MSI2: variants seen among roughly 807,000 people sequenced by gnomAD.
The protein encoded by MSI2 is RNA-binding protein Musashi homolog 2.
MSI2 carries 17 observed loss-of-function variants against 45.6 expected under a neutral mutation model. The ratio of observed to expected loss-of-function variants is 0.37; its 90% CI spans 0.26 to 0.56. The LOEUF is 0.56. MSI2 is among the 20% of genes least tolerant of loss of function. The pLI, the probability that MSI2 is intolerant of heterozygous loss-of-function variation, is 0.77. For synonymous variants in MSI2, 156 were observed against 158.2 expected, an observed-to-expected ratio of 0.99 and a Z score of 0.11; for missense variants, 293 against 444.2, an observed-to-expected ratio of 0.66 and a Z score of 3.06.
chr17:57,328,925 G>C (rs1309871105), intron 5 of MSI2, among the ~76,000 whole-genome samples: 1 of 152,000 alleles, frequency 6.6e-6, no homozygotes, highest in African/African-American at 2.4e-5. Context: ...AGGTTTTGGG[G>C]GCCCCGATAG....
chr17:57,441,071 C>T (rs915535574), intron 6 of MSI2, among the ~76,000 whole-genome samples: 2 of 152,094 alleles, frequency 1.3e-5, no homozygotes, highest in Admixed American at 6.5e-5. Context: ...TTTCAGGCAG[C>T]GCTTTGTAGG....
At chr17:57,664,855 G>A (rs1361221320) in intron 11 of MSI2, among the ~76,000 whole-genome samples, 1 of 152,152 alleles carries the variant, frequency 6.6e-6, no homozygotes. Context: ...GAACTTTGCT[G>A]CTGTTCCTAA....
At chr17:57,460,695 G>A (rs952914395) in intron 6 of MSI2, among the ~76,000 whole-genome samples, 1 of 152,138 alleles carries the variant, frequency 6.6e-6, no homozygotes, top group African/African-American at 2.4e-5. Context: ...GGTGGAGGTG[G>A]GCAGGGGCAG....
chr17:57,661,128 G>A (rs1420350978), intron 11 of MSI2, among the ~76,000 whole-genome samples: 2 of 152,186 alleles, frequency 1.3e-5, no homozygotes, highest in African/African-American at 4.8e-5. Flanking sequence ...TCCATAAGAC[G>A]ATTAACTCTG....
chr17:57,460,032 G>A (rs2085193724), intron 6 of MSI2, among the ~76,000 whole-genome samples: 1 of 151,958 alleles, frequency 6.6e-6, no homozygotes, highest in East Asian at 1.9e-4. Flanking sequence ...GGGAGGCTGA[G>A]ACAGGAGAAT....
chr17:57,386,015 A>C (rs2083680133), intron 5 of MSI2, among the ~76,000 whole-genome samples: 1 of 152,188 alleles, frequency 6.6e-6, no homozygotes, highest in African/African-American at 2.4e-5. Flanking sequence ...AATACAGACA[A>C]TGGCAGTTGT....
chr17:57,315,310 A>G (rs1021090930), intron 5 of MSI2, among the ~76,000 whole-genome samples: 1 of 151,650 alleles, frequency 6.6e-6, no homozygotes, highest in African/African-American at 2.4e-5. Flanking sequence ...GGCCCAGCTG[A>G]TTTGCCTGTC....
intron 13 of MSI2, among the ~76,000 whole-genome samples, chr17:57,677,940 T>TA (rs1467233338): frequency 3.9e-5 from 6 of 152,134 alleles, no homozygotes; most frequent in Non-Finnish European, 8.8e-5. Context: ...GTTAGCACGT[T>TA]AAGTTTGTGA....
At chr17:57,557,694 G>A (rs983589500) in intron 7 of MSI2, among the ~76,000 whole-genome samples, 6 of 152,202 alleles carry the variant, frequency 3.9e-5, no homozygotes, top group Non-Finnish European at 4.4e-5. Flanking sequence ...GTGTACATTC[G>A]CTCCCCAGTG....
intron 12 of MSI2, 116 bp downstream of exon 12, chr17:57,675,242 C>T: frequency 9.8e-7 from 1 of 1,022,420 alleles, no homozygotes; most frequent in Non-Finnish European, 1.4e-6. Context: ...CAGAGGGTCC[C>T]CATCAACATC....
intron 6 of MSI2, among the ~76,000 whole-genome samples, chr17:57,502,978 T>C (rs1253137533): frequency 3.3e-5 from 5 of 152,184 alleles, no homozygotes; most frequent in African/African-American, 4.8e-5. Flanking sequence ...TAATTTTTTT[T>C]TTCAGTGATT....
chr17:57,627,077 C>A lies in MSI2; in HGVS notation c.653-152C>A. On this transcript the variant is annotated intron_variant, in intron 9 of 13. Transcript: ENST00000284073. This position sits in a 1 kb window ranked among gnomAD's most constrained non-coding sequence, Gnocchi z 4.6. ...CCCCGGCCACAGGAGAGAGGTGACC[C>A]AGACCCTTAATAAAAAAACCCTCAT... The A allele has an allele frequency of 1.4e-6, 1 of 714,530 alleles. No individual in the cohort carries two copies. Among genetic ancestry groups the A allele is most frequent in the South Asian group, 1.8e-5 (1 of 56,356 alleles). The allele number at this position is 714,530 out of a possible 1,614,324, so 44.3% of individuals were successfully genotyped here.
intron 10 of MSI2, among the ~76,000 whole-genome samples, chr17:57,633,566 C>T (rs1909598553): frequency 6.6e-6 from 1 of 152,252 alleles, no homozygotes; most frequent in African/African-American, 2.4e-5. Context: ...TGCACGTGGC[C>T]TGCTTTCCTG....
At chr17:57,522,365 T>TC (rs1311520258) in intron 6 of MSI2, 1 of 152,180 alleles carries the variant, frequency 6.6e-6, no homozygotes, top group Admixed American at 6.5e-5. Context: ...CTCTTCCCTT[T>TC]CCCCTCCCTC....
chr17:57,665,988 A>G (rs1912335737), intron 11 of MSI2, among the ~76,000 whole-genome samples: 1 of 152,144 alleles, frequency 6.6e-6, no homozygotes, highest in African/African-American at 2.4e-5. Context: ...TCCTGACCTC[A>G]GGGAACCCCC....
intron 6 of MSI2, among the ~76,000 whole-genome samples, chr17:57,437,137 T>A (rs2084704688): frequency 1.3e-5 from 2 of 152,254 alleles, no homozygotes; most frequent in Admixed American, 1.3e-4. Flanking sequence ...GTGTCTCATT[T>A]CTTGGGATTG....
intron 6 of MSI2, among the ~76,000 whole-genome samples, chr17:57,524,964 G>C (rs2086666604): frequency 6.6e-6 from 1 of 152,174 alleles, no homozygotes; most frequent in South Asian, 2.1e-4. Flanking sequence ...GAGCTTGTTA[G>C]AAATGCAAAT....
At chr17:57,309,975 G>A (rs960354799) in intron 5 of MSI2, among the ~76,000 whole-genome samples, 16 of 152,352 alleles carry the variant, frequency 1.1e-4, no homozygotes, top group East Asian at 7.7e-4. Flanking sequence ...TGATGGGGGT[G>A]CAGGGGCTGG....
intron 7 of MSI2, among the ~76,000 whole-genome samples, chr17:57,546,742 G>T (rs560763232): frequency 6.6e-6 from 1 of 152,208 alleles, no homozygotes; most frequent in African/African-American, 2.4e-5. Flanking sequence ...GTAGCCTCCC[G>T]CTGTGGGGCA....
Sources: allele counts gnomAD v4.1 joint callset (sites outside exome capture counted in the v4.1 genomes callset), GRCh38; gene constraint gnomAD v4.1.1; non-coding constraint Gnocchi (gnomAD v3.1); transcripts MANE v1.5; gene names NCBI Gene and HGNC (gene_info 2026-07-23, HGNC 2026-07-21).